Variants in FARS2 observed in about 807,000 individuals in gnomAD.
FARS2 encodes the protein phenylalanine--tRNA ligase, mitochondrial.
Under a neutral mutation model 46.4 loss-of-function variants are expected in FARS2, and 40 were observed. The observed-to-expected ratio is 0.86, with a 90% CI of 0.67 to 1.12. The LOEUF is 1.12. FARS2 is among the 50% of genes most tolerant of loss of function. The pLI is 0.00. For synonymous variants in FARS2, 234 were observed against 214.9 expected (o/e 1.09, Z -0.78); for missense variants, 513 against 567.9 (o/e 0.90, Z 0.98).
chr6:5,626,998 T>A (rs1377988933), intron 6 of FARS2, among the ~76,000 whole-genome samples: 1 of 152,224 alleles, frequency 6.6e-6, no homozygotes, highest in African/African-American at 2.4e-5. Context: ...GTACAGTATC[T>A]GAACATATCT....
intron 6 of FARS2, among the ~76,000 whole-genome samples, chr6:5,750,757 C>T (rs1561837080): frequency 6.6e-6 from 1 of 151,886 alleles, no homozygotes; most frequent in Admixed American, 6.6e-5. Context: ...ACTTTGAAAG[C>T]GTTTCTTGGT....
chr6:5,314,350 G>T (rs1043158392), intron 1 of FARS2, among the ~76,000 whole-genome samples: 6 of 152,082 alleles, frequency 3.9e-5, no homozygotes, highest in African/African-American at 1.2e-4. Context: ...AGGTGTGTGG[G>T]GGTGGAGGAG....
At chr6:5,752,603 C>A (rs999477719) in intron 6 of FARS2, among the ~76,000 whole-genome samples, 2 of 152,202 alleles carry the variant, frequency 1.3e-5, no homozygotes, top group African/African-American at 4.8e-5. Context: ...ACAGAACAGA[C>A]GGGTTCTGCG....
At chr6:5,670,178 A>T (rs147093834) in intron 6 of FARS2, among the ~76,000 whole-genome samples, 3 of 152,320 alleles carry the variant, frequency 2.0e-5, no homozygotes, top group Admixed American at 6.5e-5. Flanking sequence ...CAGAGTGCGC[A>T]AGTATACAGA....
At chr6:5,317,998 G>A (rs928607251) in intron 1 of FARS2, among the ~76,000 whole-genome samples, 3 of 151,952 alleles carry the variant, frequency 2.0e-5, no homozygotes, top group African/African-American at 4.8e-5. Context: ...TTTTCACACC[G>A]GTGCAGTTCA....
chr6:5,493,453 A>G (rs771408282), intron 4 of FARS2, among the ~76,000 whole-genome samples: 63 of 152,204 alleles, frequency 4.1e-4, no homozygotes, highest in Non-Finnish European at 8.4e-4. Flanking sequence ...TGATAGAACA[A>G]ATGTCTTTTG....
rs1760009711 is a variant in FARS2 at position 5,723,001 on chromosome 6, T to A, written c.1218-48290T>A. 2.0e-5 allele frequency among the ~76,000 whole-genome samples: 3 copies of A among 152,164 alleles called. No individual in the cohort carries two copies. In the South Asian group the frequency reaches 6.2e-4, roughly 32 times the overall value. ...AGTCAAGGGAGCAATAAACAAGGAT[T>A]CAGAACAGTGATTCCCTGAGAGAGG... On this transcript the variant is annotated intron_variant, in intron 6 of 6. Coordinates refer to ENST00000274680, the MANE Select transcript of FARS2 (RefSeq NM_006567.5).
Position 5,687,195 on chromosome 6 carries a change from T to C in FARS2, c.1217+73875T>C, listed in dbSNP as rs569207218. On this transcript the variant is annotated intron_variant, in intron 6 of 6. Coordinates refer to ENST00000274680, the MANE Select transcript of FARS2 (RefSeq NM_006567.5). ...TTTCTTTTGCTGTGCAGAAGCTCTT[T>C]AGTTTAATTAGATCCCATTTGTCAA... Among the ~76,000 whole-genome samples the C allele has an allele frequency of 1.8e-4, 27 of 152,358 alleles. No homozygotes were observed. The East Asian group carries it at 3.7e-3, about 21-fold the overall frequency.
intron 3 of FARS2, among the ~76,000 whole-genome samples, chr6:5,423,480 A>G (rs1008102240): frequency 2.0e-5 from 3 of 152,082 alleles, no homozygotes; most frequent in African/African-American, 7.2e-5. Flanking sequence ...ACTTGCACAC[A>G]TTGGTCTTTC....
At chr6:5,660,529 T>G (rs1346727043) in intron 6 of FARS2, among the ~76,000 whole-genome samples, 2 of 151,922 alleles carry the variant, frequency 1.3e-5, no homozygotes, top group Non-Finnish European at 2.9e-5. Context: ...ATGCCTTTAG[T>G]CCCAGCTACT....
At chr6:5,493,435 C>T (rs1278897036) in intron 4 of FARS2, among the ~76,000 whole-genome samples, 1 of 152,158 alleles carries the variant, frequency 6.6e-6, no homozygotes, top group African/African-American at 2.4e-5. Flanking sequence ...AAGGGTCTGA[C>T]AAAACATTGA....
chr6:5,590,583 G>T (rs1446318564), intron 5 of FARS2, among the ~76,000 whole-genome samples: 5 of 152,198 alleles, frequency 3.3e-5, no homozygotes, highest in African/African-American at 1.2e-4. Flanking sequence ...TGTTGATGTG[G>T]ATTTGAGTAG....
chr6:5,706,305 T>G (rs1261841763), intron 6 of FARS2, among the ~76,000 whole-genome samples: 2 of 152,174 alleles, frequency 1.3e-5, no homozygotes, highest in African/African-American at 2.4e-5. Context: ...CGGGTACTGG[T>G]CCACAGCCCG....
At chr6:5,588,393 AT>A (rs1361420409) in intron 5 of FARS2, among the ~76,000 whole-genome samples, 1 of 152,186 alleles carries the variant, frequency 6.6e-6, no homozygotes, top group East Asian at 1.9e-4. Context: ...AGGTGTTAAC[AT>A]TCCTGATTTT....
intron 3 of FARS2, among the ~76,000 whole-genome samples, chr6:5,430,596 A>G (rs1763105456): frequency 6.6e-6 from 1 of 151,682 alleles, no homozygotes; most frequent in Admixed American, 6.6e-5. Flanking sequence ...ATACTTATGG[A>G]AGTAAAAGTT....
intron 2 of FARS2, among the ~76,000 whole-genome samples, chr6:5,396,901 T>TACCTAGGCCCTCACGTTTCCCCC (rs1760938171): frequency 1.3e-5 from 2 of 152,152 alleles, no homozygotes; most frequent in Non-Finnish European, 2.9e-5. Context: ...AAGTGTCCCC[T>TACCTAGGCCCTCACGTTTCCCCC]ACCTAGGCCC....
intron 4 of FARS2, among the ~76,000 whole-genome samples, chr6:5,489,921 C>G (rs1036119674): frequency 6.6e-6 from 1 of 152,096 alleles, no homozygotes; most frequent in Non-Finnish European, 1.5e-5. Context: ...GTATTATTTA[C>G]GTAAAATAAA....
At chr6:5,465,180 G>A (rs966041567) in intron 4 of FARS2, among the ~76,000 whole-genome samples, 4 of 152,024 alleles carry the variant, frequency 2.6e-5, no homozygotes, top group Admixed American at 2.6e-4. Context: ...CTATTTAAAA[G>A]CAAAAAGAGG....
chr6:5,270,592 T>G (rs1014528413), intron 1 of FARS2, among the ~76,000 whole-genome samples: 2 of 152,230 alleles, frequency 1.3e-5, no homozygotes, highest in Admixed American at 6.5e-5. Context: ...GAAATGTTCA[T>G]TATAGTACTG....
Sources: gnomAD v4.1 joint callset for allele counts (sites outside exome capture counted in the v4.1 genomes callset) on GRCh38, gnomAD v4.1.1 for gene constraint, MANE v1.5 for transcripts, NCBI Gene and HGNC (gene_info 2026-07-23, HGNC 2026-07-21) for gene names.